Variants in CTNNA3 observed in about 807,000 individuals in gnomAD.
CTNNA3 encodes catenin alpha 3.
A neutral mutation model predicts 95.7 loss-of-function variants in CTNNA3; 76 were observed. That is an observed-to-expected ratio of 0.79 (90% confidence interval 0.66 to 0.96). CTNNA3 has a LOEUF of 0.96. CTNNA3 is among the 40% of genes least tolerant of loss of function. The probability of loss-of-function intolerance (pLI) is 0.00; values close to 1 mark genes in which losing one functional copy is unlikely to be tolerated. For missense variants in CTNNA3, 1,191 were observed against 1,089.8 expected (o/e 1.09, Z -1.31); for synonymous variants, 431 against 374.4 (o/e 1.15, Z -1.74).
chr10:67,313,229 G>T (rs1174996805), intron 5 of CTNNA3, among the ~76,000 whole-genome samples: 1 of 152,020 alleles, frequency 6.6e-6, no homozygotes, highest in Non-Finnish European at 1.5e-5. Flanking sequence ...GAGGTCAGGA[G>T]ATCAAGACCA....
intron 5 of CTNNA3, among the ~76,000 whole-genome samples, chr10:67,348,894 C>A (rs922061840): frequency 6.6e-6 from 1 of 152,046 alleles, no homozygotes; most frequent in Non-Finnish European, 1.5e-5. Flanking sequence ...GACTAATAAC[C>A]CAATTTTTTA....
intron 13 of CTNNA3, among the ~76,000 whole-genome samples, chr10:66,250,318 CA>C (rs1000334565): frequency 3.3e-5 from 5 of 151,834 alleles, no homozygotes; most frequent in African/African-American, 7.3e-5. Context: ...TTAATGGGTA[CA>C]AAAAATAGAA....
chr10:67,698,996 C>A (rs944335064), upstream of CTNNA3, among the ~76,000 whole-genome samples: 1 of 152,044 alleles, frequency 6.6e-6, no homozygotes, highest in Non-Finnish European at 1.5e-5. Flanking sequence ...CCACTAACAC[C>A]GAGCCTCATC....
At chr10:67,346,665 C>A in intron 5 of CTNNA3, 1 of 506,272 alleles carries the variant, frequency 2.0e-6, no homozygotes, top group Non-Finnish European at 3.9e-6. Flanking sequence ...TGAGTTTCTG[C>A]AGGCCTTCCT....
intron 11 of CTNNA3, among the ~76,000 whole-genome samples, chr10:66,481,446 C>T (rs1379214822): frequency 6.8e-6 from 1 of 146,272 alleles, no homozygotes; most frequent in African/African-American, 2.5e-5. Flanking sequence ...AAGCAAAAAC[C>T]TTATTCCCTT....
intron 2 of CTNNA3, among the ~76,000 whole-genome samples, chr10:67,635,129 T>G (rs1366014702): frequency 6.6e-6 from 1 of 151,886 alleles, no homozygotes; most frequent in African/African-American, 2.4e-5. Flanking sequence ...AGGAAAAAAC[T>G]GAATGCCTGA....
intron 7 of CTNNA3, among the ~76,000 whole-genome samples, chr10:67,047,339 C>G (rs1854815671): frequency 6.6e-6 from 1 of 152,054 alleles, no homozygotes; most frequent in South Asian, 2.1e-4. Context: ...CCCTGTGCCC[C>G]TAGGAGGAGA....
chr10:66,886,531 G>A (rs932508862), intron 7 of CTNNA3, among the ~76,000 whole-genome samples: 1 of 152,094 alleles, frequency 6.6e-6, no homozygotes, highest in Non-Finnish European at 1.5e-5. Context: ...GACTCATAAA[G>A]TTCTGCTTTT....
At chr10:67,193,395 A>G (rs1157651392) in intron 6 of CTNNA3, among the ~76,000 whole-genome samples, 2 of 151,998 alleles carry the variant, frequency 1.3e-5, no homozygotes, top group African/African-American at 2.4e-5. Context: ...CAGGTTTGTT[A>G]TATAGGTAAA....
intron 5 of CTNNA3, among the ~76,000 whole-genome samples, chr10:67,498,285 T>C (rs1280256817): frequency 6.6e-6 from 1 of 152,194 alleles, no homozygotes; most frequent in African/African-American, 2.4e-5. Context: ...TCTGTTCCAT[T>C]GGTCTATATA....
chr10:67,290,743 G>C (rs952314851), intron 5 of CTNNA3, among the ~76,000 whole-genome samples: 1 of 152,110 alleles, frequency 6.6e-6, no homozygotes, highest in Non-Finnish European at 1.5e-5. Flanking sequence ...TACAGTAAGA[G>C]AGTTCAAAAT....
In CTNNA3 at chr10:67,408,789, T is replaced by A. The variant is rs1351204175; in HGVS notation, c.579+113053A>T. Among the ~76,000 whole-genome samples, 5 of 139,052 alleles carry A rather than the reference T, an allele frequency of 3.6e-5. No individual in the cohort carries two copies. In the East Asian group the frequency reaches 6.6e-4, roughly 18 times the overall value. The allele number at this position is 139,052 out of a possible 152,430, so 91.2% of individuals were successfully genotyped here. ...CACAGCAAAAGAAACTATCATCAAGTGAACAGATAACCTACAGAGTGGGAG... is the reference window on the plus strand; with the variant it reads ...CACAGCAAAAGAAACTATCATCAAGAGAACAGATAACCTACAGAGTGGGAG... On this transcript the variant is annotated intron_variant, in intron 5 of 17. Coordinates refer to ENST00000433211, the MANE Select transcript of CTNNA3 (RefSeq NM_013266.4).
intron 17 of CTNNA3, among the ~76,000 whole-genome samples, chr10:65,925,712 C>G (rs371041629): frequency 1.6e-4 from 24 of 152,194 alleles, no homozygotes; most frequent in African/African-American, 5.8e-4. Flanking sequence ...GCTGGGATTA[C>G]AGGCATAAGT....
chr10:67,627,219 G>A (rs1210659718), intron 2 of CTNNA3, among the ~76,000 whole-genome samples: 1 of 152,138 alleles, frequency 6.6e-6, no homozygotes, highest in Non-Finnish European at 1.5e-5. Context: ...CATGCTGAGA[G>A]GGGTCAGATC....
chr10:67,478,772 T>C (rs1260418087), intron 5 of CTNNA3, among the ~76,000 whole-genome samples: 1 of 151,744 alleles, frequency 6.6e-6, no homozygotes, highest in Non-Finnish European at 1.5e-5. Flanking sequence ...CAAAACCTCA[T>C]ATATCAATAT....
intron 10 of CTNNA3, among the ~76,000 whole-genome samples, chr10:66,548,979 A>ATTTTT (rs1165318505): frequency 3.8e-4 from 22 of 57,170 alleles, no homozygotes; most frequent in East Asian, 1.1e-3. Flanking sequence ...GCCTTTCTCC[A>ATTTTT]TTTTTTTTTT....
At chr10:66,793,545 A>G (rs1841065769) in intron 7 of CTNNA3, among the ~76,000 whole-genome samples, 1 of 152,078 alleles carries the variant, frequency 6.6e-6, no homozygotes, top group Non-Finnish European at 1.5e-5. Context: ...TCTATTATAC[A>G]CCAGGAACTA....
chr10:67,269,371 GAATA>G (rs1838859137), intron 5 of CTNNA3, among the ~76,000 whole-genome samples: 1 of 152,096 alleles, frequency 6.6e-6, no homozygotes, highest in African/African-American at 2.4e-5. Context: ...CTTATTCTCT[GAATA>G]AATAGCTAGA....
chr10:67,468,404 A>T (rs1341819423), intron 5 of CTNNA3, among the ~76,000 whole-genome samples: 1 of 152,158 alleles, frequency 6.6e-6, no homozygotes, highest in Non-Finnish European at 1.5e-5. Context: ...AAAATAATTT[A>T]AAAGTTTTTT....
Sources: allele counts gnomAD v4.1 joint callset (sites outside exome capture counted in the v4.1 genomes callset), GRCh38; gene constraint gnomAD v4.1.1; transcripts MANE v1.5; gene names NCBI Gene and HGNC (gene_info 2026-07-23, HGNC 2026-07-21).